The following MDN1 variants were observed in gnomAD, a reference collection of about 807,000 sequenced individuals.
MDN1 encodes the protein midasin.
In MDN1, 266 loss-of-function variants were observed where a neutral mutation model predicts 669.2. The ratio of observed to expected loss-of-function variants is 0.40; its 90% CI spans 0.36 to 0.44. The LOEUF is 0.44. Ranked by LOEUF, MDN1 falls within the 20% of genes least tolerant of loss-of-function variation. The pLI is 1.00. For missense variants in MDN1, 5,940 were observed against 6,754.0 expected, an observed-to-expected ratio of 0.88 and a Z score of 4.22; for synonymous variants, 2,385 against 2,457.1, an observed-to-expected ratio of 0.97 and a Z score of 0.87.
intron 26 of MDN1, 85 bp from the exon 27 acceptor site, chr6:89,747,555 C>G: frequency 1.5e-6 from 2 of 1,320,094 alleles, no homozygotes; most frequent in Non-Finnish European, 2.1e-6. Context: ...AAATTCATAA[C>G]AAATTTATGC....
intron 31 of MDN1, among the ~76,000 whole-genome samples, chr6:89,742,309 A>T (rs1283594320): frequency 6.6e-6 from 1 of 151,838 alleles, no homozygotes; most frequent in Non-Finnish European, 1.5e-5. Flanking sequence ...CTACTCAAGA[A>T]GCTGAGGCAC....
In MDN1 at chr6:89,718,406, C is replaced by A. The variant is rs771979915; in HGVS notation, c.6543G>T (p.Met2181Ile). ...AGTTGATTTTATTGTTGAGTCGCTG[C>A]ATAAGCAATAACACTGCTTCTAGTT... is the stretch of plus-strand genomic sequence containing the variant. ...VNKLEAVLLL[M>I]QRLNNKINSY... is the part of the protein sequence containing the mutation. Residue 2181 changes from methionine (M) to isoleucine (I), a missense_variant, in exon 43 of 102, where the codon ATG (methionine) becomes ATT (isoleucine). Transcript: ENST00000369393. 1.5e-5 allele frequency: 25 copies of A among 1,613,946 alleles called. No homozygotes were observed. In the East Asian group the frequency reaches 2.4e-4, roughly 16 times the overall value.
At chr6:89,723,449 T>G (rs1814977457) in intron 39 of MDN1, 63 bp downstream of exon 39, 8 of 1,041,148 alleles carry the variant, frequency 7.7e-6, no homozygotes, top group Non-Finnish European at 1.1e-5. Context: ...AACTCTATGT[T>G]GAAAAAATAC....
At chr6:89,690,862 T>C (rs1812336167) in intron 63 of MDN1, 28 bp from the exon 64 acceptor site, 5 of 1,609,294 alleles carry the variant, frequency 3.1e-6, no homozygotes, top group South Asian at 1.1e-5. Flanking sequence ...AGAAAGAAGC[T>C]GAGCTTTCTT....
At position 89,643,350 on chromosome 6, in the gene MDN1, T is replaced by G. The variant is rs1808284041; in HGVS notation, c.*655A>C. 1 of 152,212 alleles carries G rather than the reference T, an allele frequency of 6.6e-6. No homozygotes were observed. The highest frequency in any genetic ancestry group is 2.4e-5 in the African/African-American group (1 of 41,448). 9.4% of individuals were successfully genotyped at this position (152,212 alleles called of 1,614,324 possible). On this transcript the variant is annotated 3_prime_UTR_variant, in exon 102 of 102. Coordinates refer to ENST00000369393, the MANE Select transcript of MDN1 (RefSeq NM_014611.3). ...AAGCAGCAAGTGTGAAAGAGGATAC[T>G]GAAAAGCCACTTCATTTTTACACAG...
At chr6:89,774,531 G>A in intron 13 of MDN1, 90 bp downstream of exon 13, 1 of 928,704 alleles carries the variant, frequency 1.1e-6, no homozygotes, top group Non-Finnish European at 1.8e-6. Flanking sequence ...TCAGACATGT[G>A]TTTTGCACAA....
chr6:89,661,622 T>A, intron 87 of MDN1, 44 bp from the exon 88 acceptor site: 1 of 1,540,526 alleles, frequency 6.5e-7, no homozygotes, highest in Non-Finnish European at 8.7e-7. Flanking sequence ...AAAATACAAA[T>A]ATTTTTTTAA....
intron 33 of MDN1, among the ~76,000 whole-genome samples, chr6:89,736,704 G>T (rs561265811): frequency 6.6e-6 from 1 of 152,266 alleles, no homozygotes; most frequent in African/African-American, 2.4e-5. Flanking sequence ...TGAGACAGGA[G>T]AATCACCTGG....
intron 29 of MDN1, 29 bp downstream of exon 29, chr6:89,745,244 C>G (rs1816543503): frequency 6.2e-7 from 1 of 1,612,364 alleles, no homozygotes; most frequent in African/African-American, 1.3e-5. Flanking sequence ...TGAAATGAAC[C>G]CTCATGAGTC....
chr6:89,743,638 G>T lies in MDN1; in HGVS notation c.4255C>A (p.His1419Asn). The change falls in exon 30 of 102, where the codon CAC (histidine) becomes AAC (asparagine). Residue 1419 changes from histidine (H) to asparagine (N), a missense_variant. By Grantham distance (68) the His-to-Asn change is moderately conservative. This residue lies in a region of MDN1 where 2,292 missense variants were observed against 2,638.3 expected (regional missense o/e 0.87). Transcript: ENST00000369393. ...QKLYSVSCHL[H>N]METSDFLGGL... The stretch of plus-strand genomic sequence containing the variant: ...CCCAGGAAGTCTGATGTCTCCATGT[G>T]TAAGTGGCAGCTGACAGAGTATAAT... 3.7e-6 allele frequency: 6 copies of T among 1,614,154 alleles called. No homozygotes were observed. The highest frequency in any genetic ancestry group is 5.1e-6 in the Non-Finnish European group (6 of 1,179,972).
At chr6:89,663,951 AAAAAAG>A (rs200148007) in intron 85 of MDN1, among the ~76,000 whole-genome samples, 2 of 151,788 alleles carry the variant, frequency 1.3e-5, no homozygotes, top group East Asian at 3.9e-4. Flanking sequence ...TAAAAAAAAA[AAAAAAG>A]AAAGAAAGAA....
intron 59 of MDN1, among the ~76,000 whole-genome samples, chr6:89,697,874 G>A (rs917264401): frequency 2.0e-5 from 3 of 152,080 alleles, no homozygotes; most frequent in Admixed American, 6.5e-5. Flanking sequence ...GAGCTACAGC[G>A]CCTGACCAAC....
chr6:89,676,233 CTT>C, intron 76 of MDN1, 26 bp from the exon 77 acceptor site: 1 of 1,607,372 alleles, frequency 6.2e-7, no homozygotes, highest in Non-Finnish European at 8.5e-7. Flanking sequence ...ACATTGTTTA[CTT>C]AATTAAAACC....
chr6:89,662,911 C>G lies in MDN1; in HGVS notation c.14293G>C (p.Asp4765His). 3 of 1,614,100 alleles carry G rather than the reference C, an allele frequency of 1.9e-6. No homozygotes were observed. The highest frequency in any genetic ancestry group is 2.5e-6 in the Non-Finnish European group (3 of 1,180,026). The change falls in exon 86 of 102, where the codon GAT (aspartate) becomes CAT (histidine). Residue 4765 changes from aspartate to histidine, a missense_variant. Coordinates refer to ENST00000369393, the MANE Select transcript of MDN1 (RefSeq NM_014611.3). ...EGGDLDKHMG[D>H]LNGEEADKLD... Reference sequence around the variant, plus strand: ...TTGTCAGCTTCCTCACCATTGAGATCGCCCATGTGTTTATCCAGGTCTCCG... The same window carrying G: ...TTGTCAGCTTCCTCACCATTGAGATGGCCCATGTGTTTATCCAGGTCTCCG...
In MDN1 at chr6:89,794,176, A is replaced by G; in HGVS notation, c.586T>C (p.Cys196Arg). 2 of 1,599,532 alleles carry G rather than the reference A, an allele frequency of 1.3e-6. No individual in the cohort carries two copies. Among genetic ancestry groups the G allele is most frequent in the South Asian group, 1.1e-5 (1 of 87,484 alleles). Residue 196 changes from cysteine (C) to arginine (R), a missense_variant, in exon 4 of 102, where the codon TGT becomes CGT. Cys to Arg is a radical substitution (Grantham distance 180). This residue lies in a region of MDN1 where 1,203 missense variants were observed against 1,268.9 expected (regional missense o/e 0.95). Coordinates refer to ENST00000369393, the MANE Select transcript of MDN1 (RefSeq NM_014611.3). Reference sequence around the variant, plus strand: ...GATAACTTGTGCTCTTCATTCATACAGGTAACCAAAGCAAGACAATTGGCT... The same window carrying G: ...GATAACTTGTGCTCTTCATTCATACGGGTAACCAAAGCAAGACAATTGGCT... ...YTANCLALVT[C>R]MNEEHKLSFL... is the part of the protein sequence containing the mutation.
intron 91 of MDN1, among the ~76,000 whole-genome samples, chr6:89,656,352 T>C (rs995839214): frequency 4.6e-5 from 7 of 152,050 alleles, no homozygotes; most frequent in Non-Finnish European, 8.8e-5. Context: ...GCATAAATTA[T>C]ACCCTACTTA....
At chr6:89,817,960 AT>A (rs1259892700) in intron 1 of MDN1, among the ~76,000 whole-genome samples, 1 of 152,098 alleles carries the variant, frequency 6.6e-6, no homozygotes, top group East Asian at 1.9e-4. Context: ...AGGTCTCCAG[AT>A]TTGTCCCTGG....
rs139030773 is a variant in MDN1 at position 89,658,712 on chromosome 6, T to A, written c.14919A>T (p.Glu4973Asp). ...ACTGCTGCTGCTCCTCAGAGTGTTC[T>A]TCAGGATGCTGAGCAGCATCTCCAT... ...DQDGDAAQHP[E>D]EHSEEQQQSV... is the part of the protein sequence containing the mutation. Residue 4973 changes from glutamate (E) to aspartate (D), a missense_variant, in exon 89 of 102, where the codon GAA (glutamate) becomes GAT (aspartate). Transcript: ENST00000369393. The A allele has an allele frequency of 4.6e-5, 75 of 1,614,086 alleles. No homozygotes were observed. The highest frequency in any genetic ancestry group is 5.8e-5 in the Non-Finnish European group (68 of 1,180,044).
At chr6:89,737,198 G>T (rs1394998200) in intron 33 of MDN1, among the ~76,000 whole-genome samples, 1 of 152,072 alleles carries the variant, frequency 6.6e-6, no homozygotes, top group African/African-American at 2.4e-5. Context: ...TTCACCGTGG[G>T]CCATTCCTAA....
Sources: allele counts gnomAD v4.1 joint callset (sites outside exome capture counted in the v4.1 genomes callset), GRCh38; gene constraint gnomAD v4.1.1; regional missense constraint gnomAD v4.1.1; transcripts MANE v1.5; gene names NCBI Gene and HGNC (gene_info 2026-07-23, HGNC 2026-07-21).